Variants in NLGN1 observed in about 807,000 individuals in gnomAD.
The protein encoded by NLGN1 is neuroligin-1.
A neutral mutation model predicts 65.5 loss-of-function variants in NLGN1; 12 were observed. That is an observed-to-expected ratio of 0.18 (90% CI 0.12 to 0.30). The LOEUF (loss-of-function observed/expected upper bound fraction) is 0.30, where lower values mean the gene tolerates loss of function less well. Ranked by LOEUF, NLGN1 falls within the 10% of genes least tolerant of loss-of-function variation. The probability of loss-of-function intolerance (pLI) is 1.00; values close to 1 mark genes in which losing one functional copy is unlikely to be tolerated. For missense variants in NLGN1, 750 were observed against 1,007.1 expected (o/e 0.74, Z 3.46); for synonymous variants, 350 against 359.5 (o/e 0.97, Z 0.30).
intron 2 of NLGN1, among the ~76,000 whole-genome samples, chr3:173,500,637 C>T (rs540811898): frequency 1.3e-5 from 2 of 152,110 alleles, no homozygotes; most frequent in Non-Finnish European, 2.9e-5. Context: ...GTACCAGCTC[C>T]TCTTTGTACC....
intron 4 of NLGN1, among the ~76,000 whole-genome samples, chr3:174,039,155 A>G (rs549454204): frequency 7.2e-5 from 11 of 152,254 alleles, no homozygotes; most frequent in East Asian, 3.9e-4. Flanking sequence ...GGAGTCAGTT[A>G]TTTAGAAAGG....
chr3:174,154,708 G>A (rs575614374), intron 4 of NLGN1, among the ~76,000 whole-genome samples: 1 of 151,242 alleles, frequency 6.6e-6, no homozygotes, highest in East Asian at 1.9e-4. Context: ...TGCCCCCTAA[G>A]TAGATTGTGT....
intron 2 of NLGN1, among the ~76,000 whole-genome samples, chr3:173,445,160 T>C (rs376867986): frequency 4.6e-4 from 68 of 147,454 alleles, no homozygotes; most frequent in African/African-American, 1.3e-3. Context: ...CCCAGCTACT[T>C]GGGAGGCTGA....
At chr3:173,442,577 A>C (rs1413595130) in intron 2 of NLGN1, among the ~76,000 whole-genome samples, 1 of 152,152 alleles carries the variant, frequency 6.6e-6, no homozygotes, top group Non-Finnish European at 1.5e-5. Context: ...GAAAGGTTTA[A>C]ATTTTACACT....
At chr3:174,226,011 A>G (rs1201176303) in intron 4 of NLGN1, among the ~76,000 whole-genome samples, 1 of 152,084 alleles carries the variant, frequency 6.6e-6, no homozygotes, top group Non-Finnish European at 1.5e-5. Context: ...ACAGATTTCC[A>G]TAGTTTTCTC....
intron 2 of NLGN1, among the ~76,000 whole-genome samples, chr3:173,533,591 A>G (rs910970613): frequency 2.6e-5 from 4 of 152,056 alleles, no homozygotes; most frequent in Non-Finnish European, 5.9e-5. Flanking sequence ...TGACAGACCC[A>G]CTCTCCATGA....
chr3:173,900,472 T>C (rs1370511149), intron 4 of NLGN1, among the ~76,000 whole-genome samples: 1 of 152,062 alleles, frequency 6.6e-6, no homozygotes, highest in Non-Finnish European at 1.5e-5. Context: ...GAAATTGATT[T>C]TGAAAACTCA....
chr3:174,104,622 T>C (rs147287672), intron 4 of NLGN1, among the ~76,000 whole-genome samples: 6 of 152,286 alleles, frequency 3.9e-5, no homozygotes, highest in South Asian at 2.1e-4. Flanking sequence ...ACTTGAATTA[T>C]AGTGGTACAG....
At position 173,879,956 on chromosome 3, in the gene NLGN1, G is replaced by A. The variant is rs188415791; in HGVS notation, c.646+72124G>A. 2.8e-3 allele frequency among the ~76,000 whole-genome samples: 428 copies of A among 152,058 alleles called. 4 individuals carry two copies. The highest frequency in any genetic ancestry group is 9.6e-3 in the African/African-American group (399 of 41,496). ...AGCATCAGAGTATTATTTTGCAGAC[G>A]GAAAATTATTTGGACATATAAGTTC... On this transcript the variant is annotated intron_variant, in intron 4 of 6. Transcript: ENST00000457714.
chr3:173,691,136 A>G (rs1473384998), intron 3 of NLGN1, among the ~76,000 whole-genome samples: 1 of 151,946 alleles, frequency 6.6e-6, no homozygotes, highest in Non-Finnish European at 1.5e-5. Context: ...TAAGAGGGGG[A>G]ACTTGAAATA....
intron 1 of NLGN1, among the ~76,000 whole-genome samples, chr3:173,422,788 A>G (rs1274107689): frequency 1.8e-4 from 28 of 152,144 alleles, no homozygotes. Context: ...ATCTATCTAG[A>G]CCATTTGTCT....
Position 174,123,134 on chromosome 3 carries a change from C to T in NLGN1, c.647-152181C>T, listed in dbSNP as rs3849515. 8.1e-3 allele frequency among the ~76,000 whole-genome samples: 1,231 copies of T among 151,998 alleles called. 9 individuals carry two copies. The highest frequency in any genetic ancestry group is 0.013 in the Admixed American group (191 of 15,234). On this transcript the variant is annotated intron_variant, in intron 4 of 6. Coordinates refer to ENST00000457714, the Ensembl canonical transcript of NLGN1. ...TAATTTAAGGTAAATTCACCTACCA[C>T]GAGATTTCTGGCATAGACTCCAACT... is the stretch of plus-strand genomic sequence containing the variant.
chr3:174,175,856 C>A (rs967119246), intron 4 of NLGN1, among the ~76,000 whole-genome samples: 21 of 151,904 alleles, frequency 1.4e-4, no homozygotes, highest in African/African-American at 4.8e-4. Context: ...TATCACAGTA[C>A]CTTCCTAATA....
At chr3:173,743,893 A>T (rs1409437738) in intron 3 of NLGN1, among the ~76,000 whole-genome samples, 1 of 152,174 alleles carries the variant, frequency 6.6e-6, no homozygotes, top group Non-Finnish European at 1.5e-5. Flanking sequence ...TGTTTTATAC[A>T]GTAAAACATG....
intron 4 of NLGN1, among the ~76,000 whole-genome samples, chr3:174,073,709 G>A (rs929945100): frequency 3.9e-5 from 6 of 152,084 alleles, no homozygotes; most frequent in South Asian, 2.1e-4. Context: ...TTAATTGCCG[G>A]TGATATCACC....
At chr3:173,854,972 A>G (rs565514531) in intron 4 of NLGN1, among the ~76,000 whole-genome samples, 59 of 152,264 alleles carry the variant, frequency 3.9e-4, no homozygotes, top group Non-Finnish European at 5.9e-4. Flanking sequence ...AAAATCACAA[A>G]GAATTATTTT....
At chr3:173,421,671 C>T (rs1052810061) in intron 1 of NLGN1, among the ~76,000 whole-genome samples, 2 of 151,484 alleles carry the variant, frequency 1.3e-5, no homozygotes, top group African/African-American at 2.4e-5. Flanking sequence ...AGGTGTGCAC[C>T]ATCATGCCGG....
intron 4 of NLGN1, among the ~76,000 whole-genome samples, chr3:173,974,424 C>T (rs1344666405): frequency 1.3e-5 from 2 of 151,908 alleles, no homozygotes; most frequent in African/African-American, 4.8e-5. Flanking sequence ...ATTCTTCTAA[C>T]AAATAATTAT....
At chr3:173,520,625 C>T (rs908333427) in intron 2 of NLGN1, among the ~76,000 whole-genome samples, 34 of 152,050 alleles carry the variant, frequency 2.2e-4, no homozygotes, top group Non-Finnish European at 2.4e-4. Flanking sequence ...AAATCAGGGG[C>T]CAGCATAACC....
Sources: gnomAD v4.1 joint callset for allele counts (sites outside exome capture counted in the v4.1 genomes callset) on GRCh38, gnomAD v4.1.1 for gene constraint, MANE v1.5 for transcripts, NCBI Gene and HGNC (gene_info 2026-07-23, HGNC 2026-07-21) for gene names.